The following UBE3C variants were observed in gnomAD, a reference collection of about 807,000 sequenced individuals.
The protein encoded by UBE3C is ubiquitin protein ligase E3C.
Under a neutral mutation model 129.4 loss-of-function variants are expected in UBE3C, and 42 were observed. That is an observed-to-expected ratio of 0.32 (90% CI 0.25 to 0.42). The LOEUF (loss-of-function observed/expected upper bound fraction) is 0.42. Ranked by LOEUF, UBE3C falls within the 10% of genes least tolerant of loss-of-function variation. The pLI, the probability that UBE3C is intolerant of heterozygous loss-of-function variation, is 1.00. For missense variants in UBE3C, 1,049 were observed against 1,319.1 expected (o/e 0.80, Z 3.17); for synonymous variants, 510 against 492.4 (o/e 1.04, Z -0.47).
chr7:157,221,125 G>A (rs1795725137), intron 15 of UBE3C: 1 of 199,680 alleles, frequency 5.0e-6, no homozygotes, highest in African/African-American at 2.3e-5. Flanking sequence ...CAGTATTCCA[G>A]TGTGGGGATG....
chr7:157,256,602 G>C, intron 21 of UBE3C: 1 of 202,728 alleles, frequency 4.9e-6, no homozygotes, highest in Non-Finnish European at 9.9e-6. Context: ...CACATCCATG[G>C]CTTCAACCAA....
intron 1 of UBE3C, among the ~76,000 whole-genome samples, chr7:157,154,698 C>T (rs144241203): frequency 0.014 from 2,110 of 152,182 alleles, 24 homozygotes; most frequent in South Asian, 0.035. Flanking sequence ...AGTCTCTTGG[C>T]GTATATTGTG....
chr7:157,254,229 A>G lies in UBE3C; in HGVS notation c.2884-15A>G. The G allele has an allele frequency of 6.2e-7, 1 of 1,611,280 alleles. No individual in the cohort carries two copies. Reference sequence around the variant, plus strand: ...AATTTACCTCAAATGTTATTATTTGAACTTTTTTCCTTAGGTATTAATTTC... The same window carrying G: ...AATTTACCTCAAATGTTATTATTTGGACTTTTTTCCTTAGGTATTAATTTC... On this transcript the variant is annotated splice_polypyrimidine_tract_variant and intron_variant, in intron 20 of 22. Transcript: ENST00000348165.
At chr7:157,198,185 A>AT in intron 10 of UBE3C, 2 of 1,599,614 alleles carry the variant, frequency 1.3e-6, no homozygotes, top group Non-Finnish European at 1.7e-6. Context: ...CTTGTAGCTG[A>AT]TTTTCTCCAT....
At chr7:157,173,138 C>G (rs1808423686) in intron 4 of UBE3C, among the ~76,000 whole-genome samples, 1 of 152,322 alleles carries the variant, frequency 6.6e-6, no homozygotes, top group East Asian at 1.9e-4. Flanking sequence ...CTTTGTGGGG[C>G]TGAGGTGGGA....
At chr7:157,159,004 G>A (rs1356771731) in intron 1 of UBE3C, among the ~76,000 whole-genome samples, 1 of 152,160 alleles carries the variant, frequency 6.6e-6, no homozygotes, top group Non-Finnish European at 1.5e-5. Flanking sequence ...TATTAAGTCC[G>A]TTATCAATAG....
At chr7:157,211,837 G>GT (rs1442834715) in intron 13 of UBE3C, among the ~76,000 whole-genome samples, 1 of 152,160 alleles carries the variant, frequency 6.6e-6, no homozygotes, top group African/African-American at 2.4e-5. Context: ...TGTTCCTGCA[G>GT]TATCACCACG....
Position 157,170,456 on chromosome 7 carries a change from TG to T in UBE3C, c.342+7del. On this transcript the variant is annotated splice_region_variant and intron_variant, in intron 4 of 22. Coordinates refer to ENST00000348165, the MANE Select transcript of UBE3C (RefSeq NM_014671.3). ...ATGAAGACTCAAAACGTTTGGTGAG[TG>T]TTAACTACATTTTCACTTGTCCTCG... 1 of 1,526,598 alleles carries T rather than the reference TG, an allele frequency of 6.6e-7. No homozygotes were observed. 94.6% of individuals were successfully genotyped at this position (1,526,598 alleles called of 1,614,324 possible).
At chr7:157,260,988 AT>A (rs1796889037) in intron 22 of UBE3C, among the ~76,000 whole-genome samples, 1 of 151,974 alleles carries the variant, frequency 6.6e-6, no homozygotes, top group South Asian at 2.1e-4. Context: ...AAGTAGAGGG[AT>A]TTACATGAGC....
chr7:157,207,235 C>T (rs532189381), intron 11 of UBE3C, among the ~76,000 whole-genome samples, 163 bp from the exon 12 acceptor site: 4 of 152,260 alleles, frequency 2.6e-5, no homozygotes, highest in Middle Eastern at 3.4e-3. Context: ...TGTTTATTAA[C>T]CTGCATTGCC....
chr7:157,240,401 T>C (rs56009768), intron 18 of UBE3C, among the ~76,000 whole-genome samples: 21,002 of 152,078 alleles, frequency 0.14, 4,152 homozygotes, highest in African/African-American at 0.44. Flanking sequence ...CTCTGATGCA[T>C]GCTGAAATTT....
intron 13 of UBE3C, among the ~76,000 whole-genome samples, chr7:157,216,514 C>A (rs1188159111): frequency 1.3e-5 from 2 of 152,114 alleles, no homozygotes; most frequent in East Asian, 3.8e-4. Flanking sequence ...CCCACCCTCC[C>A]CCTTCAAGTA....
At chr7:157,162,011 A>G (rs1025781951) in intron 1 of UBE3C, among the ~76,000 whole-genome samples, 6 of 151,772 alleles carry the variant, frequency 4.0e-5, no homozygotes, top group East Asian at 2.0e-4. Flanking sequence ...CAGAGGTTGC[A>G]GTGAGCCAAG....
At chr7:157,255,377 C>A (rs1003430546) in intron 21 of UBE3C, among the ~76,000 whole-genome samples, 2 of 152,218 alleles carry the variant, frequency 1.3e-5, no homozygotes, top group Non-Finnish European at 2.9e-5. Context: ...GGTTGCAAAA[C>A]TCTAAACTTA....
At chr7:157,222,393 C>A (rs540282665) in intron 15 of UBE3C, 1 of 151,846 alleles carries the variant, frequency 6.6e-6, no homozygotes, top group East Asian at 1.9e-4. Flanking sequence ...GTCTAAGATA[C>A]CTTCACCTAA....
intron 1 of UBE3C, among the ~76,000 whole-genome samples, chr7:157,144,291 A>G (rs759662761): frequency 6.6e-6 from 1 of 152,214 alleles, no homozygotes; most frequent in South Asian, 2.1e-4. Context: ...GCATGACCCC[A>G]TCTCTTAAAA....
intron 10 of UBE3C, chr7:157,197,557 ACAT>A (rs1474609925): frequency 6.9e-6 from 9 of 1,304,220 alleles, no homozygotes; most frequent in Middle Eastern, 1.9e-4. Flanking sequence ...TTAATACGAC[ACAT>A]CATCTGTTCC....
intron 10 of UBE3C, among the ~76,000 whole-genome samples, chr7:157,196,529 C>T (rs1809125108): frequency 6.6e-6 from 1 of 152,120 alleles, no homozygotes; most frequent in Non-Finnish European, 1.5e-5. Context: ...AGGTTGAGCA[C>T]ATAGAAGAGT....
chr7:157,240,675 G>A (rs1796292023), intron 18 of UBE3C, among the ~76,000 whole-genome samples: 2 of 152,176 alleles, frequency 1.3e-5, no homozygotes, highest in Admixed American at 6.5e-5. Flanking sequence ...TGTTTAGAGA[G>A]GAAATTAATC....
Sources: allele counts gnomAD v4.1 joint callset (sites outside exome capture counted in the v4.1 genomes callset), GRCh38; gene constraint gnomAD v4.1.1; transcripts MANE v1.5; gene names NCBI Gene and HGNC (gene_info 2026-07-23, HGNC 2026-07-21).